Variants in CSMD1 observed in about 807,000 individuals in gnomAD.
The protein encoded by CSMD1 is CUB and sushi domain-containing protein 1.
CSMD1 carries 213 observed loss-of-function variants against 417.5 expected under a neutral mutation model. The observed-to-expected ratio is 0.51, with a 90% CI of 0.46 to 0.57. CSMD1 has a LOEUF of 0.57. CSMD1 is among the 20% of genes least tolerant of loss of function. CSMD1 has a pLI of 0.00. For missense variants in CSMD1, 6,923 were observed against 4,529.7 expected (o/e 1.53, Z -15.17); for synonymous variants, 2,862 against 1,736.8 (o/e 1.65, Z -16.11).
intron 7 of CSMD1, among the ~76,000 whole-genome samples, chr8:3,631,613 G>A (rs190266177): frequency 1.6e-4 from 24 of 152,296 alleles, no homozygotes; most frequent in Admixed American, 1.5e-3. Flanking sequence ...AGGATCCATC[G>A]GTTTTGCAAC....
At chr8:3,600,658 C>T (rs575353278) in intron 8 of CSMD1, among the ~76,000 whole-genome samples, 4 of 152,260 alleles carry the variant, frequency 2.6e-5, no homozygotes, top group African/African-American at 9.6e-5. Context: ...TGATAAGAGA[C>T]AGAAAACCAT....
At chr8:3,562,914 T>A (rs747667648) in intron 10 of CSMD1, among the ~76,000 whole-genome samples, 2 of 152,014 alleles carry the variant, frequency 1.3e-5, no homozygotes, top group Non-Finnish European at 1.5e-5. Context: ...ACCCATGAAC[T>A]TAAAAGTTAA....
At chr8:4,091,241 A>G (rs1249966271) in intron 3 of CSMD1, among the ~76,000 whole-genome samples, 2 of 152,152 alleles carry the variant, frequency 1.3e-5, no homozygotes, top group Admixed American at 6.6e-5. Flanking sequence ...AAAGGTGAAT[A>G]ATGAGGATGC....
At chr8:4,414,099 G>A (rs570054222) in intron 3 of CSMD1, among the ~76,000 whole-genome samples, 9 of 152,218 alleles carry the variant, frequency 5.9e-5, no homozygotes, top group African/African-American at 2.2e-4. Flanking sequence ...TTCAGGTGGA[G>A]TTTGGGTTAT....
rs558447834 is a variant in CSMD1 at position 3,563,120 on chromosome 8, G to A, written c.1344+11825C>T. ...TTCTTCATTTTATAAATATTTTCAA[G>A]AATTTATTTCTTCCCCCTATTTCAT... On this transcript the variant is annotated intron_variant, in intron 10 of 69. Coordinates refer to ENST00000635120, the MANE Select transcript of CSMD1 (RefSeq NM_033225.6). Among the ~76,000 whole-genome samples, 91 of 152,086 alleles carry A rather than the reference G, an allele frequency of 6.0e-4. 3 individuals carry two copies. In the South Asian group the frequency reaches 0.018, roughly 30 times the overall value.
At chr8:3,549,695 G>A (rs552918218) in intron 10 of CSMD1, among the ~76,000 whole-genome samples, 25 of 152,274 alleles carry the variant, frequency 1.6e-4, no homozygotes, top group Admixed American at 1.6e-3. Context: ...ACTGGACGCC[G>A]TGTGCTGCCT....
chr8:4,373,470 T>C (rs947574350), intron 3 of CSMD1, among the ~76,000 whole-genome samples: 3 of 152,182 alleles, frequency 2.0e-5, no homozygotes, highest in African/African-American at 4.8e-5. Context: ...AATGTTCCCA[T>C]AAATCTAAAA....
chr8:4,469,868 C>CTTTTT (rs368325145), intron 2 of CSMD1, among the ~76,000 whole-genome samples: 1 of 144,834 alleles, frequency 6.9e-6, no homozygotes, highest in Non-Finnish European at 1.5e-5. Flanking sequence ...TTTGGTTTTC[C>CTTTTT]TTTTTTTTTT....
At chr8:4,457,027 C>G (rs528231711) in intron 2 of CSMD1, among the ~76,000 whole-genome samples, 1 of 149,454 alleles carries the variant, frequency 6.7e-6, no homozygotes, top group East Asian at 2.0e-4. Context: ...CAATGTTAAT[C>G]GCTGATTCCT....
At chr8:4,467,957 T>C (rs1800285939) in intron 2 of CSMD1, among the ~76,000 whole-genome samples, 1 of 152,130 alleles carries the variant, frequency 6.6e-6, no homozygotes, top group African/African-American at 2.4e-5. Flanking sequence ...AGTAATATGA[T>C]GGTTTACAAG....
intron 26 of CSMD1, among the ~76,000 whole-genome samples, chr8:3,266,457 T>A (rs1424665570): frequency 6.6e-6 from 1 of 151,124 alleles, no homozygotes; most frequent in Non-Finnish European, 1.5e-5. Flanking sequence ...AATACAAAAA[T>A]TAGCCGGGCA....
rs781410034 is a variant in CSMD1 at position 3,871,386 on chromosome 8, T to G, written c.819-117344A>C. 4.5e-4 allele frequency among the ~76,000 whole-genome samples: 68 copies of G among 152,272 alleles called. No homozygotes were observed. In the Middle Eastern group the frequency reaches 0.01, roughly 23 times the overall value. On this transcript the variant is annotated intron_variant, in intron 5 of 69. Transcript: ENST00000635120. ...TACTAAAATAATGGATTAAAAAAACTTGCATTGGTTTCTTCAACTTGCATT... is the reference window on the plus strand; with the variant it reads ...TACTAAAATAATGGATTAAAAAAACGTGCATTGGTTTCTTCAACTTGCATT...
intron 3 of CSMD1, among the ~76,000 whole-genome samples, chr8:4,343,841 T>C (rs1323536072): frequency 6.6e-6 from 1 of 152,148 alleles, no homozygotes; most frequent in East Asian, 1.9e-4. Flanking sequence ...CAATTTGTTT[T>C]TCTCGTACAT....
At chr8:4,427,902 G>T (rs66512318) in intron 2 of CSMD1, among the ~76,000 whole-genome samples, 4 of 152,032 alleles carry the variant, frequency 2.6e-5, no homozygotes, top group African/African-American at 9.7e-5. Context: ...TGTCTCTAGG[G>T]CACAGACTGC....
chr8:3,650,948 G>A (rs768926656), intron 7 of CSMD1, among the ~76,000 whole-genome samples: 2 of 152,000 alleles, frequency 1.3e-5, no homozygotes, highest in African/African-American at 2.4e-5. Context: ...AGCCTGCTTC[G>A]CCCACTATAT....
chr8:3,396,055 T>C (rs963747646), intron 17 of CSMD1, 139 bp downstream of exon 17: 8 of 677,324 alleles, frequency 1.2e-5, no homozygotes, highest in Admixed American at 3.1e-5. Flanking sequence ...GTTCTTACAA[T>C]TGCATAGTAT....
At chr8:4,173,466 T>C (rs765891627) in intron 3 of CSMD1, among the ~76,000 whole-genome samples, 2 of 151,968 alleles carry the variant, frequency 1.3e-5, no homozygotes, top group Admixed American at 6.6e-5. Flanking sequence ...GAAGAAGAGA[T>C]AGTAAGTTGG....
chr8:4,267,469 A>T (rs1449935845), intron 3 of CSMD1, among the ~76,000 whole-genome samples: 1 of 151,432 alleles, frequency 6.6e-6, no homozygotes, highest in African/African-American at 2.4e-5. Flanking sequence ...TAATGAATAT[A>T]AATGAATATT....
chr8:4,234,102 T>G (rs975856803), intron 3 of CSMD1, among the ~76,000 whole-genome samples: 6 of 152,136 alleles, frequency 3.9e-5, no homozygotes, highest in African/African-American at 1.4e-4. Context: ...CACAAGTACA[T>G]CAAGTGCTAC....
Sources: allele counts gnomAD v4.1 joint callset (sites outside exome capture counted in the v4.1 genomes callset), GRCh38; gene constraint gnomAD v4.1.1; transcripts MANE v1.5; gene names NCBI Gene and HGNC (gene_info 2026-07-23, HGNC 2026-07-21).